Variants in EVI5 observed in about 807,000 individuals in gnomAD.
EVI5 encodes ecotropic viral integration site 5, also known as ecotropic viral integration site 5 protein homolog.
A neutral mutation model predicts 112.0 loss-of-function variants in EVI5; 73 were observed. The observed-to-expected ratio is 0.65, with a 90% confidence interval of 0.54 to 0.79. The LOEUF (loss-of-function observed/expected upper bound fraction) is 0.79. Among genes scored for constraint, EVI5 ranks in the 30% least tolerant of loss-of-function variants. The pLI is 0.00. For synonymous variants in EVI5, 305 were observed against 319.9 expected (o/e 0.95, Z 0.50); for missense variants, 900 against 968.8 (o/e 0.93, Z 0.94).
At chr1:92,595,969 GA>G (rs1054837471) in intron 18 of EVI5, among the ~76,000 whole-genome samples, 8 of 152,006 alleles carry the variant, frequency 5.3e-5, no homozygotes, top group African/African-American at 1.9e-4. Flanking sequence ...TTTATTCCTG[GA>G]AAAAATTCAA....
chr1:92,529,385 A>C (rs1428913099), intron 19 of EVI5, among the ~76,000 whole-genome samples: 2 of 151,872 alleles, frequency 1.3e-5, no homozygotes, highest in East Asian at 3.8e-4. Flanking sequence ...GATTCTTTTA[A>C]CTGTCAGACT....
intron 2 of EVI5, among the ~76,000 whole-genome samples, chr1:92,735,088 T>G (rs1677113299): frequency 6.6e-6 from 1 of 152,290 alleles, no homozygotes; most frequent in East Asian, 1.9e-4. Context: ...ATACCTACCA[T>G]ATGATCCAGT....
chr1:92,561,601 A>AATGTATCCC (rs1557789936), intron 19 of EVI5, among the ~76,000 whole-genome samples: 4 of 128,340 alleles, frequency 3.1e-5, no homozygotes, highest in Admixed American at 7.9e-5. Context: ...CTATCTATCT[A>AATGTATCCC]ATCTATCCTA....
At chr1:92,660,032 C>A (rs1663700751) in intron 13 of EVI5, among the ~76,000 whole-genome samples, 1 of 151,912 alleles carries the variant, frequency 6.6e-6, no homozygotes, top group South Asian at 2.1e-4. Flanking sequence ...AATGTATACA[C>A]ATGGACATAG....
In EVI5 at chr1:92,624,235, C is replaced by G; in HGVS notation, c.1768G>C (p.Ala590Pro). The G allele has an allele frequency of 1.9e-6, 3 of 1,613,700 alleles. No individual in the cohort carries two copies. The highest frequency in any genetic ancestry group is 2.5e-6 in the Non-Finnish European group (3 of 1,179,730). ...DELMTIRLREAETQAEIREIK... is the reference protein window; with the variant it reads ...DELMTIRLREPETQAEIREIK... ...TCTCTTATTTCTGCTTGTGTTTCAGCTTCTCTAAGTCGAATGGTCATCAGT... is the reference window on the plus strand; with the variant it reads ...TCTCTTATTTCTGCTTGTGTTTCAGGTTCTCTAAGTCGAATGGTCATCAGT... Residue 590 changes from alanine to proline, a missense_variant, in exon 16 of 20, where the codon GCT becomes CCT. Ala to Pro is a conservative substitution (Grantham distance 27). Transcript: ENST00000684568.
chr1:92,768,538 G>C (rs11164807), intron 1 of EVI5, among the ~76,000 whole-genome samples: 86,639 of 152,016 alleles, frequency 0.57, 26,475 homozygotes, highest in East Asian at 0.92. Context: ...CTTCTTCCCA[G>C]TTTCTGCTCT....
At chr1:92,516,481 A>G (rs1659899211) in intron 19 of EVI5, among the ~76,000 whole-genome samples, 3 of 152,180 alleles carry the variant, frequency 2.0e-5, no homozygotes, top group Non-Finnish European at 4.4e-5. Flanking sequence ...TGGAGAGAAA[A>G]AATGGTGAAG....
intron 5 of EVI5, among the ~76,000 whole-genome samples, chr1:92,699,435 CT>C (rs1162878383): frequency 1.3e-5 from 2 of 152,180 alleles, no homozygotes; most frequent in African/African-American, 4.8e-5. Flanking sequence ...TCCTCTCTTT[CT>C]TTAGCTGAAA....
chr1:92,713,318 T>C (rs552422908), intron 2 of EVI5, among the ~76,000 whole-genome samples: 1 of 151,702 alleles, frequency 6.6e-6, no homozygotes, highest in East Asian at 1.9e-4. Context: ...TATTGTCTAG[T>C]ATTGCCTTTT....
intron 2 of EVI5, among the ~76,000 whole-genome samples, chr1:92,717,475 T>TCC (rs1263747546): frequency 2.4e-4 from 37 of 152,230 alleles, no homozygotes; most frequent in African/African-American, 8.2e-4. Flanking sequence ...AATAAAATCC[T>TCC]TTACAGACAA....
intron 16 of EVI5, among the ~76,000 whole-genome samples, chr1:92,616,464 A>C (rs1653182546): frequency 6.6e-6 from 1 of 152,198 alleles, no homozygotes; most frequent in African/African-American, 2.4e-5. Flanking sequence ...GCAAAGCGGC[A>C]ATCAGAATAG....
At chr1:92,684,557 A>T (rs1260997972) in intron 9 of EVI5, among the ~76,000 whole-genome samples, 1 of 152,186 alleles carries the variant, frequency 6.6e-6, no homozygotes, top group African/African-American at 2.4e-5. Flanking sequence ...TAACAATATT[A>T]ACCTTAAATG....
chr1:92,537,774 C>G (rs1391300289), intron 19 of EVI5, among the ~76,000 whole-genome samples: 2 of 148,818 alleles, frequency 1.3e-5, no homozygotes, highest in African/African-American at 2.5e-5. Context: ...AAATTCTAAT[C>G]TACAGTACTT....
intron 2 of EVI5, chr1:92,714,071 G>A: frequency 1.0e-6 from 1 of 983,678 alleles, no homozygotes; most frequent in Non-Finnish European, 1.2e-6. Context: ...ACACACAAGG[G>A]GGAAAAAAAA....
At chr1:92,695,693 G>A (rs1449754289) in intron 6 of EVI5, among the ~76,000 whole-genome samples, 4 of 152,036 alleles carry the variant, frequency 2.6e-5, no homozygotes, top group African/African-American at 2.4e-5. Flanking sequence ...AAAAGAAACT[G>A]AATAAAAGTT....
intron 13 of EVI5, among the ~76,000 whole-genome samples, chr1:92,648,454 G>T (rs1661432288): frequency 6.6e-6 from 1 of 151,946 alleles, no homozygotes; most frequent in Non-Finnish European, 1.5e-5. Flanking sequence ...TAAGAATGTT[G>T]TATGACCATC....
At chr1:92,537,347 T>TG (rs397952116) in intron 19 of EVI5, among the ~76,000 whole-genome samples, 1 of 151,856 alleles carries the variant, frequency 6.6e-6, no homozygotes, top group Non-Finnish European at 1.5e-5. Flanking sequence ...TATAGCTTTT[T>TG]GAGCTAAATG....
chr1:92,635,644 A>G (rs531413547), intron 14 of EVI5, among the ~76,000 whole-genome samples: 41 of 152,112 alleles, frequency 2.7e-4, no homozygotes, highest in African/African-American at 9.2e-4. Flanking sequence ...GGCTCGGTGC[A>G]CTACACCCAC....
intron 18 of EVI5, among the ~76,000 whole-genome samples, chr1:92,598,192 A>G (rs1232810473): frequency 6.6e-6 from 1 of 152,148 alleles, no homozygotes; most frequent in Non-Finnish European, 1.5e-5. Flanking sequence ...TTGCACTCCC[A>G]TGGAGCTTAT....
Sources: allele counts gnomAD v4.1 joint callset (sites outside exome capture counted in the v4.1 genomes callset), GRCh38; gene constraint gnomAD v4.1.1; transcripts MANE v1.5; gene names NCBI Gene and HGNC (gene_info 2026-07-23, HGNC 2026-07-21).